The following MAPK10 variants were observed in gnomAD, a reference collection of about 807,000 sequenced individuals.
The protein encoded by MAPK10 is mitogen-activated protein kinase 10, also known as JNK3 alpha protein kinase.
MAPK10 carries 25 observed loss-of-function variants against 59.3 expected under a neutral mutation model. That is an observed-to-expected ratio of 0.42 (90% CI 0.31 to 0.59). The LOEUF is 0.59. Ranked by LOEUF, MAPK10 falls within the 20% of genes least tolerant of loss-of-function variation. The pLI is 0.15. For missense variants in MAPK10, 351 were observed against 568.9 expected (o/e 0.62, Z 3.90); for synonymous variants, 190 against 200.5 (o/e 0.95, Z 0.44).
At chr4:86,064,598 G>A (rs1220077366) in intron 10 of MAPK10, 4 of 561,642 alleles carry the variant, frequency 7.1e-6, no homozygotes, top group South Asian at 6.6e-5. Flanking sequence ...GGCTCTCCAA[G>A]GGTTGTAACA....
chr4:86,342,389 C>T (rs757951978), intron 2 of MAPK10, among the ~76,000 whole-genome samples: 1 of 152,118 alleles, frequency 6.6e-6, no homozygotes, highest in Non-Finnish European at 1.5e-5. Context: ...GTAGGCGTTT[C>T]GTGGTAATCA....
At chr4:86,060,679 A>G (rs1458765316) in intron 11 of MAPK10, among the ~76,000 whole-genome samples, 1 of 152,078 alleles carries the variant, frequency 6.6e-6, no homozygotes, top group Admixed American at 6.6e-5. Context: ...AATCCCAAAA[A>G]TCTCCTACTG....
chr4:86,184,012 T>G (rs1000644028), intron 3 of MAPK10, among the ~76,000 whole-genome samples: 79 of 152,326 alleles, frequency 5.2e-4, no homozygotes, highest in African/African-American at 1.6e-3. Context: ...GTAAATTTGT[T>G]TGAGTTCATT....
intron 1 of MAPK10, among the ~76,000 whole-genome samples, chr4:86,570,630 C>T (rs1761380335): frequency 6.6e-6 from 1 of 151,944 alleles, no homozygotes; most frequent in Non-Finnish European, 1.5e-5. Flanking sequence ...GAAATATTTA[C>T]AAATAATTAT....
chr4:86,354,508 T>G (rs1733412350), intron 2 of MAPK10, 22 bp downstream of exon 2: 1 of 1,072,876 alleles, frequency 9.3e-7, no homozygotes, highest in Non-Finnish European at 1.2e-6. Flanking sequence ...TGCTAAGGAA[T>G]ATTTTTAAAT....
intron 1 of MAPK10, among the ~76,000 whole-genome samples, chr4:86,547,371 C>T (rs1034378366): frequency 2.0e-5 from 3 of 152,222 alleles, no homozygotes; most frequent in Admixed American, 6.5e-5. Flanking sequence ...TGGGCGTGGG[C>T]TCTGCGGACC....
intron 1 of MAPK10, among the ~76,000 whole-genome samples, chr4:86,433,162 C>T (rs1748262428): frequency 6.6e-6 from 1 of 152,148 alleles, no homozygotes; most frequent in Admixed American, 6.5e-5. Context: ...TGGATTTCAG[C>T]AGTGCAAGGA....
Position 86,402,983 on chromosome 4 carries a change from G to A in MAPK10, c.-121-48339C>T, listed in dbSNP as rs190345841. Among the ~76,000 whole-genome samples, 24 of 152,194 alleles carry A rather than the reference G, an allele frequency of 1.6e-4. No homozygotes were observed. In the East Asian group the frequency reaches 4.6e-3, roughly 29 times the overall value. On this transcript the variant is annotated intron_variant, in intron 1 of 13. Coordinates refer to the MAPK10 transcript ENST00000361569. ...ATTTTGCAATCACATTGTCATGGCT[G>A]ACACCTATAGTGAGATCCTATGGCA...
intron 1 of MAPK10, among the ~76,000 whole-genome samples, chr4:86,393,777 G>A (rs1012595551): frequency 1.3e-5 from 2 of 152,134 alleles, no homozygotes; most frequent in African/African-American, 4.8e-5. Context: ...CGACACCAGT[G>A]ACAACAATAG....
chr4:86,296,916 C>T (rs1441699845), intron 2 of MAPK10, among the ~76,000 whole-genome samples: 2 of 152,162 alleles, frequency 1.3e-5, no homozygotes, highest in African/African-American at 2.4e-5. Flanking sequence ...TTGTATTCTT[C>T]GTATTGGAGG....
At chr4:86,494,769 G>A (rs1223138903) in intron 1 of MAPK10, among the ~76,000 whole-genome samples, 16 of 147,722 alleles carry the variant, frequency 1.1e-4, no homozygotes. Context: ...CGTGAACCTG[G>A]GAGGCGGAGC....
At chr4:86,139,165 A>C (rs1208233556) in intron 4 of MAPK10, among the ~76,000 whole-genome samples, 1 of 143,516 alleles carries the variant, frequency 7.0e-6, no homozygotes, top group African/African-American at 2.6e-5. Flanking sequence ...CTTTCTTCAC[A>C]GAATTGGAAA....
At chr4:86,178,943 T>G in intron 3 of MAPK10, among the ~76,000 whole-genome samples, 1 of 152,054 alleles carries the variant, frequency 6.6e-6, no homozygotes, top group Non-Finnish European at 1.5e-5. Context: ...TGGCTCATGC[T>G]TATAATCCCA....
chr4:86,184,152 T>C (rs896175061), intron 3 of MAPK10, among the ~76,000 whole-genome samples: 94 of 152,220 alleles, frequency 6.2e-4, no homozygotes, highest in African/African-American at 2.1e-3. Context: ...TAATTAGATC[T>C]CATTTGTCAA....
At chr4:86,317,680 T>G (rs1168317068) in intron 2 of MAPK10, among the ~76,000 whole-genome samples, 6 of 152,216 alleles carry the variant, frequency 3.9e-5, no homozygotes, top group African/African-American at 1.4e-4. Flanking sequence ...GAAATAGTCT[T>G]GACTGGTTGA....
intron 1 of MAPK10, among the ~76,000 whole-genome samples, chr4:86,406,504 T>C (rs1050785484): frequency 6.6e-6 from 1 of 152,176 alleles, no homozygotes; most frequent in Non-Finnish European, 1.5e-5. Context: ...GGAGGTGAGT[T>C]AGATGAATCA....
intron 1 of MAPK10, among the ~76,000 whole-genome samples, chr4:86,426,387 CTT>C (rs1451284507): frequency 2.6e-5 from 4 of 152,164 alleles, no homozygotes; most frequent in African/African-American, 9.7e-5. Flanking sequence ...CTGTTTTCTA[CTT>C]GAAGTAAATG....
chr4:86,198,677 G>A (rs17011457), intron 2 of MAPK10, among the ~76,000 whole-genome samples: 12,914 of 151,548 alleles, frequency 0.085, 1,219 homozygotes, highest in African/African-American at 0.23. Context: ...TGTGAAATAA[G>A]TCATAAATAA....
chr4:86,294,810 A>C (rs1260841515), intron 2 of MAPK10, among the ~76,000 whole-genome samples: 4 of 152,164 alleles, frequency 2.6e-5, no homozygotes. Flanking sequence ...GAAGAGAAAG[A>C]GCTCCGGAAA....
Sources: gnomAD v4.1 joint callset for allele counts (sites outside exome capture counted in the v4.1 genomes callset) on GRCh38, gnomAD v4.1.1 for gene constraint, MANE v1.5 for transcripts, NCBI Gene and HGNC (gene_info 2026-07-23, HGNC 2026-07-21) for gene names.